The following ELAPOR2 variants were observed in gnomAD, a reference collection of about 807,000 sequenced individuals.
ELAPOR2 encodes endosome-lysosome associated apoptosis and autophagy regulator family member 2.
In ELAPOR2, 89 loss-of-function variants were observed where a neutral mutation model predicts 120.7. The observed-to-expected ratio is 0.74, with a 90% CI of 0.62 to 0.88. The LOEUF (loss-of-function observed/expected upper bound fraction) is 0.88, where lower values mean the gene tolerates loss of function less well. Among genes scored for constraint, ELAPOR2 ranks in the 40% least tolerant of loss-of-function variants. The pLI is 0.00. For missense variants in ELAPOR2, 1,134 were observed against 1,251.6 expected, an observed-to-expected ratio of 0.91 and a Z score of 1.42; for synonymous variants, 444 against 444.9, an observed-to-expected ratio of 1.00 and a Z score of 0.03.
chr7:86,897,991 G>T (rs897563599), intron 18 of ELAPOR2, among the ~76,000 whole-genome samples: 7 of 152,046 alleles, frequency 4.6e-5, no homozygotes, highest in Admixed American at 3.3e-4. Context: ...TCAGTCCTAG[G>T]TATAAACCCA....
chr7:86,952,126 T>G (rs1310295796), intron 2 of ELAPOR2, among the ~76,000 whole-genome samples: 2 of 152,184 alleles, frequency 1.3e-5, no homozygotes, highest in Non-Finnish European at 2.9e-5. Flanking sequence ...GACTCAGATA[T>G]CTCACCACTC....
intron 1 of ELAPOR2, among the ~76,000 whole-genome samples, chr7:87,025,642 A>C (rs978631876): frequency 6.6e-6 from 1 of 152,046 alleles, no homozygotes; most frequent in African/African-American, 2.4e-5. Context: ...GTGATTAAAA[A>C]TTTTTCTTCT....
In ELAPOR2 at chr7:86,880,435, T is replaced by A. The variant is rs1584294803; in HGVS notation, c.*36A>T. 1 of 1,496,132 alleles carries A rather than the reference T, an allele frequency of 6.7e-7. No homozygotes were observed. Among genetic ancestry groups the A allele is most frequent in the Non-Finnish European group, 9.3e-7 (1 of 1,073,904 alleles). 92.7% of individuals were successfully genotyped at this position (1,496,132 alleles called of 1,614,324 possible). A position where few individuals can be genotyped will look rare whatever the true frequency, so the allele number is the denominator to read the frequency against. On this transcript the variant is annotated 3_prime_UTR_variant, in exon 22 of 22. Coordinates refer to ENST00000450689, the MANE Select transcript of ELAPOR2 (RefSeq NM_001142749.3). ...GTCCTGTAAAACTAGAGCAGGTTTC[T>A]TTGTTCATTAGTCTCAAGGCTACAG... is the stretch of plus-strand genomic sequence containing the variant.
chr7:86,911,798 CAA>C (rs1168948122), intron 15 of ELAPOR2: 4 of 551,184 alleles, frequency 7.3e-6, no homozygotes, highest in Non-Finnish European at 1.4e-5. Context: ...TTTATGAAAA[CAA>C]AACATCCTCA....
intron 5 of ELAPOR2, 70 bp from the exon 6 acceptor site, chr7:86,940,185 T>C: frequency 2.3e-6 from 2 of 887,978 alleles, no homozygotes; most frequent in Non-Finnish European, 1.8e-6. Flanking sequence ...CTCCCTTACA[T>C]ACTTTTTCAA....
In ELAPOR2 at chr7:86,926,920, CAA is replaced by C. The variant is rs397698585; in HGVS notation, c.1090-6_1090-5del. The C allele has an allele frequency of 0.052, 45,085 of 867,022 alleles. No homozygotes were observed. Among genetic ancestry groups the C allele is most frequent in the East Asian group, 0.1 (2,208 of 21,396 alleles). 53.7% of individuals were successfully genotyped at this position (867,022 alleles called of 1,614,324 possible). ...TCCACTTGTACATTATCTGTGTCTA[CAA>C]AAAAAAAAAAAAAAAAAAAGCAACC... On this transcript the variant is annotated splice_polypyrimidine_tract_variant and splice_region_variant and intron_variant, in intron 8 of 21. Transcript: ENST00000450689.
At chr7:86,970,804 C>G (rs1792082422) in intron 1 of ELAPOR2, among the ~76,000 whole-genome samples, 1 of 152,134 alleles carries the variant, frequency 6.6e-6, no homozygotes, top group Non-Finnish European at 1.5e-5. Flanking sequence ...ATTTATGACA[C>G]ATCCTTTTCA....
At chr7:86,971,145 A>G (rs1194892592) in intron 1 of ELAPOR2, among the ~76,000 whole-genome samples, 1 of 152,158 alleles carries the variant, frequency 6.6e-6, no homozygotes, top group Non-Finnish European at 1.5e-5. Context: ...ACAAACCTAG[A>G]TCCCAACCTC....
chr7:87,002,155 T>C (rs1793337849), intron 1 of ELAPOR2, among the ~76,000 whole-genome samples: 1 of 152,152 alleles, frequency 6.6e-6, no homozygotes, highest in Non-Finnish European at 1.5e-5. Context: ...TCCAAACCAA[T>C]AATGTTCCTA....
At position 86,893,118 on chromosome 7, in the gene ELAPOR2, T is replaced by A. The variant is rs772956886; in HGVS notation, c.2686-18A>T. 6 of 1,473,694 alleles carry A rather than the reference T, an allele frequency of 4.1e-6. No individual in the cohort carries two copies. The highest frequency in any genetic ancestry group is 1.5e-5 in the African/African-American group (1 of 67,440). 91.3% of individuals were successfully genotyped at this position (1,473,694 alleles called of 1,614,324 possible). ...AAGGTTTCCTTTAAAAAAAAAAACA[T>A]AAAACCATAGAAGACATGAGAAATG... is the stretch of plus-strand genomic sequence containing the variant. On this transcript the variant is annotated intron_variant, in intron 19 of 21. Coordinates refer to ENST00000450689, the MANE Select transcript of ELAPOR2 (RefSeq NM_001142749.3).
At chr7:86,907,519 C>G (rs112356177) in intron 18 of ELAPOR2, 151 bp downstream of exon 18, 1 of 558,544 alleles carries the variant, frequency 1.8e-6, no homozygotes, top group Non-Finnish European at 3.0e-6. Context: ...AATACACACT[C>G]AGCACATTCC....
At chr7:86,944,795 A>C (rs73196633) in intron 4 of ELAPOR2, 104 bp downstream of exon 4, 67,367 of 933,884 alleles carry the variant, frequency 0.072, 3,105 homozygotes, top group Non-Finnish European at 0.086. Flanking sequence ...CACACACACA[A>C]AAAAAAAACT....
chr7:86,946,972 TGAAAGGAAGGAA>T (rs1413444270), intron 3 of ELAPOR2, among the ~76,000 whole-genome samples: 1 of 151,148 alleles, frequency 6.6e-6, no homozygotes, highest in East Asian at 1.9e-4. Context: ...ACAGCTAGAG[TGAAAGGAAGGAA>T]GAAAGGAAGG....
At chr7:86,914,348 C>T (rs1398406102) in intron 13 of ELAPOR2, among the ~76,000 whole-genome samples, 1 of 152,106 alleles carries the variant, frequency 6.6e-6, no homozygotes, top group Non-Finnish European at 1.5e-5. Flanking sequence ...TAGTTAATGG[C>T]TCTTAAACAT....
intron 1 of ELAPOR2, among the ~76,000 whole-genome samples, chr7:87,004,200 T>G (rs530957824): frequency 1.3e-5 from 2 of 152,156 alleles, no homozygotes; most frequent in Non-Finnish European, 2.9e-5. Flanking sequence ...ATAATGGATA[T>G]GACAACAGAT....
intron 1 of ELAPOR2, among the ~76,000 whole-genome samples, chr7:87,056,196 G>A (rs989538672): frequency 6.6e-6 from 1 of 152,054 alleles, no homozygotes; most frequent in Non-Finnish European, 1.5e-5. Flanking sequence ...AAAATATCAG[G>A]ATCTAGCTCT....
intron 1 of ELAPOR2, among the ~76,000 whole-genome samples, chr7:87,038,129 C>G (rs1794647732): frequency 6.6e-6 from 1 of 152,196 alleles, no homozygotes; most frequent in Non-Finnish European, 1.5e-5. Context: ...ACTCTTAGAA[C>G]CAAGAATACC....
chr7:86,904,249 A>G (rs1359884930), intron 18 of ELAPOR2, among the ~76,000 whole-genome samples: 1 of 152,134 alleles, frequency 6.6e-6, no homozygotes, highest in African/African-American at 2.4e-5. Flanking sequence ...TCACTAACAG[A>G]AATGTCTCAT....
chr7:87,044,078 TAC>T (rs1421027077), intron 1 of ELAPOR2, among the ~76,000 whole-genome samples: 1 of 122,946 alleles, frequency 8.1e-6, no homozygotes, highest in East Asian at 2.4e-4. Flanking sequence ...CAAGGAGAAC[TAC>T]AAACCACTGC....
Sources: allele counts gnomAD v4.1 joint callset (sites outside exome capture counted in the v4.1 genomes callset), GRCh38; gene constraint gnomAD v4.1.1; transcripts MANE v1.5; gene names NCBI Gene and HGNC (gene_info 2026-07-23, HGNC 2026-07-21).